The following ARL15 variants were observed in gnomAD, a reference collection of about 807,000 sequenced individuals.
ARL15 encodes ARF like GTPase 15, also known as ADP-ribosylation factor-like protein 15.
Under a neutral mutation model 25.2 loss-of-function variants are expected in ARL15, and 19 were observed. That is an observed-to-expected ratio of 0.75 (90% CI 0.53 to 1.10). The LOEUF is 1.10. Among genes scored for constraint, ARL15 ranks in the 50% least tolerant of loss-of-function variants. ARL15 has a pLI of 0.00. For synonymous variants in ARL15, 94 were observed against 86.8 expected, an observed-to-expected ratio of 1.08 and a Z score of -0.46; for missense variants, 220 against 246.0, an observed-to-expected ratio of 0.89 and a Z score of 0.71.
intron 1 of ARL15, among the ~76,000 whole-genome samples, chr5:54,174,900 G>A (rs1754820511): frequency 6.6e-6 from 1 of 152,196 alleles, no homozygotes; most frequent in South Asian, 2.1e-4. Flanking sequence ...TAGTCACACA[G>A]TTTCTTTTAC....
rs1751672936 is a variant in ARL15, at chr5:54,078,220, G to A, written c.462+34982C>T. ...CTGAATCTCATCTGCTCCTAAGTAT[G>A]CTTACATTGTAATCAACTGAAAACC... is the stretch of plus-strand genomic sequence containing the variant. On this transcript the variant is annotated intron_variant, in intron 4 of 4. Transcript: ENST00000504924. Among the ~76,000 whole-genome samples, 5 of 152,078 alleles carry A rather than the reference G, an allele frequency of 3.3e-5. No homozygotes were observed. The South Asian group carries it at 6.2e-4, about 19-fold the overall frequency.
chr5:53,989,203 T>C (rs1285248273), intron 4 of ARL15, among the ~76,000 whole-genome samples: 1 of 152,166 alleles, frequency 6.6e-6, no homozygotes, highest in Non-Finnish European at 1.5e-5. Context: ...GAAAATAAAA[T>C]ATACATTGTA....
chr5:54,068,743 A>G (rs772654981), intron 4 of ARL15, among the ~76,000 whole-genome samples: 6 of 152,230 alleles, frequency 3.9e-5, no homozygotes, highest in Non-Finnish European at 7.3e-5. Context: ...TGCCATCTCA[A>G]TGTAATGATA....
chr5:53,941,934 A>G (rs1746551781), intron 4 of ARL15, among the ~76,000 whole-genome samples: 1 of 152,052 alleles, frequency 6.6e-6, no homozygotes, highest in South Asian at 2.1e-4. Context: ...CATGATGAGA[A>G]ACCACCGCAG....
chr5:54,207,081 A>G (rs1193120026), intron 1 of ARL15, among the ~76,000 whole-genome samples: 1 of 152,192 alleles, frequency 6.6e-6, no homozygotes, highest in South Asian at 2.1e-4. Context: ...ACGTTCCTCT[A>G]GCAGAGAGGA....
intron 1 of ARL15, among the ~76,000 whole-genome samples, chr5:54,275,379 T>C (rs1346144382): frequency 2.6e-5 from 4 of 152,202 alleles, no homozygotes; most frequent in African/African-American, 9.6e-5. Context: ...CTTTCCAAGC[T>C]TCTTTGGTAG....
chr5:53,950,381 A>G lies in ARL15; in HGVS notation c.463-63668T>C, dbSNP rs1230584328. Among the ~76,000 whole-genome samples, 10 of 152,306 alleles carry G rather than the reference A, an allele frequency of 6.6e-5. No homozygotes were observed. In the East Asian group the frequency reaches 1.4e-3, roughly 21 times the overall value. ...ACGATGTCATGACGGCTGGTTAACT[A>G]TGGGAGCAGCTGGGGTTTGAATTTC... On this transcript the variant is annotated intron_variant, in intron 4 of 4. Transcript: ENST00000504924.
At chr5:54,086,700 C>T (rs557793349) in intron 4 of ARL15, among the ~76,000 whole-genome samples, 3 of 152,110 alleles carry the variant, frequency 2.0e-5, no homozygotes, top group South Asian at 2.1e-4. Flanking sequence ...CACACTGGTC[C>T]GCTATACTAG....
At position 54,001,846 on chromosome 5, in the gene ARL15, C is replaced by T. The variant is rs1224580317; in HGVS notation, c.462+111356G>A. Among the ~76,000 whole-genome samples the T allele has an allele frequency of 9.8e-5, 15 of 152,292 alleles. No individual in the cohort carries two copies. In the East Asian group the frequency reaches 2.9e-3, roughly 29 times the overall value. Reference sequence around the variant, plus strand: ...CAATCCAAAGGAAAATAACTGAGGTCAAGTTCTGTCTTAAATTCTCAGTAC... The same window carrying T: ...CAATCCAAAGGAAAATAACTGAGGTTAAGTTCTGTCTTAAATTCTCAGTAC... On this transcript the variant is annotated intron_variant, in intron 4 of 4. Transcript: ENST00000504924.
intron 2 of ARL15, among the ~76,000 whole-genome samples, chr5:54,156,647 A>T (rs1459672898): frequency 6.6e-6 from 1 of 152,252 alleles, no homozygotes; most frequent in Non-Finnish European, 1.5e-5. Flanking sequence ...AGATGTCAAC[A>T]GCTGAAGTCT....
chr5:54,297,973 G>T (rs1353886866), intron 1 of ARL15, among the ~76,000 whole-genome samples: 3 of 152,120 alleles, frequency 2.0e-5, no homozygotes, highest in Non-Finnish European at 2.9e-5. Flanking sequence ...AGTAGAGACG[G>T]GGTTTCACCG....
chr5:54,300,178 T>A (rs1758579518), intron 1 of ARL15, among the ~76,000 whole-genome samples: 1 of 152,204 alleles, frequency 6.6e-6, no homozygotes, highest in Admixed American at 6.5e-5. Context: ...ATGCCTTTTT[T>A]ACTGCCTTGA....
intron 1 of ARL15, among the ~76,000 whole-genome samples, chr5:54,274,670 G>A (rs535016573): frequency 8.5e-5 from 13 of 152,212 alleles, no homozygotes; most frequent in East Asian, 5.8e-4. Flanking sequence ...AGACTGAGGC[G>A]GGTGGATCAT....
At chr5:53,899,912 A>G (rs765686541) in intron 4 of ARL15, among the ~76,000 whole-genome samples, 54 of 152,178 alleles carry the variant, frequency 3.5e-4, no homozygotes, top group Non-Finnish European at 7.4e-5. Context: ...TCCTCCCTAC[A>G]TCTATTTATC....
chr5:54,259,694 G>A (rs1757450134), intron 1 of ARL15, among the ~76,000 whole-genome samples: 1 of 152,102 alleles, frequency 6.6e-6, no homozygotes, highest in Admixed American at 6.5e-5. Flanking sequence ...GTATCTCAGA[G>A]AACATACAGG....
At chr5:54,123,014 T>A (rs1051356250) in intron 3 of ARL15, among the ~76,000 whole-genome samples, 3 of 152,182 alleles carry the variant, frequency 2.0e-5, no homozygotes, top group Admixed American at 1.3e-4. Context: ...TGGGGAGTGA[T>A]TATGTAAACT....
intron 2 of ARL15, among the ~76,000 whole-genome samples, chr5:54,163,832 C>G (rs1057141530): frequency 2.0e-5 from 3 of 151,794 alleles, no homozygotes; most frequent in Non-Finnish European, 4.4e-5. Context: ...ACCAGTTTTA[C>G]TGACTTTCTC....
chr5:53,979,296 G>T (rs1561174007), intron 4 of ARL15, among the ~76,000 whole-genome samples: 1 of 152,128 alleles, frequency 6.6e-6, no homozygotes, highest in South Asian at 2.1e-4. Context: ...ACTTTGAGAG[G>T]CCAAGGTGAG....
chr5:54,085,889 G>C (rs889105830), intron 4 of ARL15, among the ~76,000 whole-genome samples: 4 of 151,022 alleles, frequency 2.6e-5, no homozygotes, highest in African/African-American at 9.8e-5. Context: ...TCTCCTAAGC[G>C]TCCCATGGCT....
Sources: gnomAD v4.1 joint callset for allele counts (sites outside exome capture counted in the v4.1 genomes callset) on GRCh38, gnomAD v4.1.1 for gene constraint, MANE v1.5 for transcripts, NCBI Gene and HGNC (gene_info 2026-07-23, HGNC 2026-07-21) for gene names.